EP400: variants seen among roughly 807,000 people sequenced by gnomAD.
The protein encoded by EP400 is E1A-binding protein p400.
EP400 carries 105 observed loss-of-function variants against 354.1 expected under a neutral mutation model. That is an observed-to-expected ratio of 0.30 (90% CI 0.25 to 0.35). The LOEUF is 0.35. EP400 is among the 10% of genes least tolerant of loss of function. The pLI is 1.00. For synonymous variants in EP400, 1,646 were observed against 1,716.9 expected (o/e 0.96, Z 1.02); for missense variants, 3,280 against 4,121.0 (o/e 0.80, Z 5.59).
At position 132,072,148 on chromosome 12, in the gene EP400, C is replaced by T. The variant is rs140350605; in HGVS notation, c.9021+2507C>T. Among the ~76,000 whole-genome samples the T allele has an allele frequency of 2.9e-3, 441 of 152,286 alleles. 1 individual carries two copies. Among genetic ancestry groups the T allele is most frequent in the African/African-American group, 0.01 (417 of 41,560 alleles). On this transcript the variant is annotated intron_variant, in intron 51 of 52. Transcript: ENST00000389561. ...TGCCTTGTCAGGTCTGTTTCTGAGA[C>T]GCGCTCCTGCTTGTGTTGCCCAGGG...
chr12:131,955,528 C>T (rs1038905989), intron 1 of EP400, among the ~76,000 whole-genome samples: 17 of 152,108 alleles, frequency 1.1e-4, no homozygotes, highest in African/African-American at 3.1e-4. Flanking sequence ...GTGATCCACC[C>T]GCCTCAGCCT....
chr12:132,073,395 C>A (rs1278537378), intron 51 of EP400, among the ~76,000 whole-genome samples: 1 of 151,110 alleles, frequency 6.6e-6, no homozygotes, highest in Non-Finnish European at 1.5e-5. Flanking sequence ...TCTTATCACA[C>A]AGTAGCTCAG....
intron 1 of EP400, among the ~76,000 whole-genome samples, chr12:131,952,302 C>CAAA (rs927214848): frequency 2.8e-4 from 13 of 47,030 alleles, no homozygotes; most frequent in Non-Finnish European, 3.6e-4. Flanking sequence ...GACTCTGTCT[C>CAAA]AAAAAAAAAA....
Position 132,020,214 on chromosome 12 carries a change from A to C in EP400, c.4443A>C (p.Ala1481=). The change falls in exon 22 of 53, where the codon GCA becomes GCC. Residue 1481 remains alanine, a synonymous_variant. Coordinates refer to ENST00000389561, the MANE Select transcript of EP400 (RefSeq NM_015409.5). ...PIATFSANPE[A]KAAAAPFQTS... ...CCACGTTCTCTGCCAATCCGGAGGC[A>C]AAAGGTAGACTTCACGTAGTTGTCT... 2 of 1,601,150 alleles carry C rather than the reference A, an allele frequency of 1.2e-6. No homozygotes were observed. The highest frequency in any genetic ancestry group is 1.7e-6 in the Non-Finnish European group (2 of 1,174,056).
In EP400 at chr12:132,067,635, T is replaced by A. The variant is rs1191638109; in HGVS notation, c.8874+149T>A. 2 of 1,139,886 alleles carry A rather than the reference T, an allele frequency of 1.8e-6. No individual in the cohort carries two copies. The highest frequency in any genetic ancestry group is 1.5e-5 in the African/African-American group (1 of 64,604). 70.6% of individuals were successfully genotyped at this position (1,139,886 alleles called of 1,614,324 possible). A position where few individuals can be genotyped will look rare whatever the true frequency, so the allele number is the denominator to read the frequency against. On this transcript the variant is annotated intron_variant, in intron 50 of 52. Coordinates refer to ENST00000389561, the MANE Select transcript of EP400 (RefSeq NM_015409.5). This position sits in a 1 kb window ranked among gnomAD's most constrained non-coding sequence, Gnocchi z 5.3. Reference sequence around the variant, plus strand: ...AGGGCTGGAGGTGCTAGTGTGGTCATCCCTGTTGGTTTTTCCTTCCTTTAA... The same window carrying A: ...AGGGCTGGAGGTGCTAGTGTGGTCAACCCTGTTGGTTTTTCCTTCCTTTAA...
At chr12:132,032,246 A>G in intron 30 of EP400, 97 bp downstream of exon 30, 1 of 1,391,710 alleles carries the variant, frequency 7.2e-7, no homozygotes, top group Non-Finnish European at 9.7e-7. Flanking sequence ...GGAGTCAATG[A>G]GAAGCTTTGC....
chr12:132,051,379 C>T (rs1895283654), intron 41 of EP400, among the ~76,000 whole-genome samples: 1 of 152,132 alleles, frequency 6.6e-6, no homozygotes, highest in Non-Finnish European at 1.5e-5. Context: ...TGGGGGACCA[C>T]TACTACCAAG....
At chr12:131,964,196 G>T (rs964978326) in intron 2 of EP400, among the ~76,000 whole-genome samples, 1 of 152,096 alleles carries the variant, frequency 6.6e-6, no homozygotes, top group Non-Finnish European at 1.5e-5. Context: ...AAAAACACAG[G>T]TCACTCACGC....
chr12:131,980,434 A>G (rs1233817634), intron 3 of EP400, among the ~76,000 whole-genome samples: 3 of 152,142 alleles, frequency 2.0e-5, no homozygotes, highest in East Asian at 1.9e-4. Context: ...TTGGTTCTTT[A>G]TCAGTCAGAT....
At chr12:132,001,066 C>A (rs1267805475) in intron 12 of EP400, among the ~76,000 whole-genome samples, 2 of 152,100 alleles carry the variant, frequency 1.3e-5, no homozygotes, top group African/African-American at 2.4e-5. Context: ...ACCAGCCCCA[C>A]AGGGTCGGTG....
chr12:131,963,652 G>C (rs542482396), intron 2 of EP400: 16 of 1,593,332 alleles, frequency 1.0e-5, no homozygotes, highest in Non-Finnish European at 1.4e-5. Flanking sequence ...GGTACTTTTC[G>C]ATGGTTCTCA....
At chr12:132,035,479 A>C (rs1479682259) in intron 30 of EP400, among the ~76,000 whole-genome samples, 1 of 152,226 alleles carries the variant, frequency 6.6e-6, no homozygotes, top group African/African-American at 2.4e-5. Flanking sequence ...TTTTCCCCAC[A>C]CGGTTGTGCA....
At position 132,077,488 on chromosome 12, in the gene EP400, G is replaced by C. The variant is rs1489930686; in HGVS notation, c.9187G>C (p.Val3063Leu). The C allele has an allele frequency of 8.1e-6, 13 of 1,613,546 alleles. No homozygotes were observed. The highest frequency in any genetic ancestry group is 1.0e-5 in the Non-Finnish European group (12 of 1,180,030). Residue 3063 changes from valine to leucine, a missense_variant, in exon 53 of 53, where the codon GTG becomes CTG. By Grantham distance (32) the Val-to-Leu change is conservative. Transcript: ENST00000389561. ...CCCTGCAGTGACCGCGACTGCCCAG[G>C]TGGTTCAGCAGAAACTCATTCAGCA... is the stretch of plus-strand genomic sequence containing the variant. ...MIPAVTATAQ[V>L]VQQKLIQQQV...
In EP400 at chr12:131,984,362, T is replaced by C. The variant is rs145321097; in HGVS notation, c.1929+1884T>C. 4.2e-4 allele frequency among the ~76,000 whole-genome samples: 64 copies of C among 152,292 alleles called. 1 individual carries two copies. The highest frequency in any genetic ancestry group is 1.4e-3 in the African/African-American group (59 of 41,558). On this transcript the variant is annotated intron_variant, in intron 5 of 52. Transcript: ENST00000389561. ...GTTTATTTCCTTTACCTGACAACCT[T>C]ATGAGGTAGAATCTTTACTATCTCC...
chr12:131,990,686 C>T lies in EP400; in HGVS notation c.2601C>T (p.Ala867=), dbSNP rs767491936. 3 of 1,612,564 alleles carry T rather than the reference C, an allele frequency of 1.9e-6. No homozygotes were observed. Among genetic ancestry groups the T allele is most frequent in the African/African-American group, 2.7e-5 (2 of 74,794 alleles). Residue 867 remains alanine, a synonymous_variant, in exon 9 of 53, where the codon GCC becomes GCT. Transcript: ENST00000389561. This position sits in a 1 kb window ranked among gnomAD's most constrained non-coding sequence, Gnocchi z 4.2. ...RVELEEKRKK[A]LNLQKVSRRG... ...AATTAGAAGAAAAAAGGAAGAAGGCCTTAAATTTACAGAAAGTTTCCAGGA... is the reference window on the plus strand; with the variant it reads ...AATTAGAAGAAAAAAGGAAGAAGGCTTTAAATTTACAGAAAGTTTCCAGGA...
rs1893538134 is a variant in EP400, at chr12:132,005,119, C to T, written c.2870C>T (p.Ala957Val). 1 of 1,590,306 alleles carries T rather than the reference C, an allele frequency of 6.3e-7. No individual in the cohort carries two copies. The highest frequency in any genetic ancestry group is 8.6e-7 in the Non-Finnish European group (1 of 1,168,702). The change falls in exon 13 of 53, where the codon GCC becomes GTC. Residue 957 changes from alanine (A) to valine (V), a missense_variant. This residue lies in a region of EP400 where 800 missense variants were observed against 840.0 expected (regional missense o/e 0.95). Transcript: ENST00000389561. The stretch of plus-strand genomic sequence containing the variant: ...GACCTGATGAAGCTGTACGAAGGCG[C>T]CTTCCTGCCGAGTTCTCAGTGGCCC... The part of the protein sequence containing the change: ...LLDLMKLYEG[A>V]FLPSSQWPRP...
At chr12:131,964,519 A>G (rs1892010014) in intron 2 of EP400, among the ~76,000 whole-genome samples, 1 of 152,162 alleles carries the variant, frequency 6.6e-6, no homozygotes, top group South Asian at 2.1e-4. Context: ...AATTTCTACT[A>G]GCTTTGGAAT....
At chr12:131,995,718 TGA>T (rs1893187446) in intron 12 of EP400, among the ~76,000 whole-genome samples, 1 of 125,722 alleles carries the variant, frequency 8.0e-6, no homozygotes, top group Non-Finnish European at 1.7e-5. Context: ...CCGTTCATCC[TGA>T]GTGTGTGAGA....
rs1414477540 is a variant in EP400, at chr12:132,062,276, C to A, written c.8051C>A (p.Thr2684Asn). 1.2e-6 allele frequency: 2 copies of A among 1,614,190 alleles called. No individual in the cohort carries two copies. The highest frequency in any genetic ancestry group is 1.7e-6 in the Non-Finnish European group (2 of 1,180,046). ...TCGGCCGTGGTCACTACCAACCTGA[C>A]CCCAGTGCAGACCCCGGCACGGTCT... ...TASAVVTTNL[T>N]PVQTPARSLV... Residue 2684 changes from threonine (T) to asparagine (N), a missense_variant, in exon 46 of 53, where the codon ACC becomes AAC. By Grantham distance (65) the Thr-to-Asn change is moderately conservative. Coordinates refer to ENST00000389561, the MANE Select transcript of EP400 (RefSeq NM_015409.5).
Sources: allele counts gnomAD v4.1 joint callset (sites outside exome capture counted in the v4.1 genomes callset), GRCh38; gene constraint gnomAD v4.1.1; regional missense constraint gnomAD v4.1.1; non-coding constraint Gnocchi (gnomAD v3.1); transcripts MANE v1.5; gene names NCBI Gene and HGNC (gene_info 2026-07-23, HGNC 2026-07-21).